Variants in KCNMA1 observed in about 807,000 individuals in gnomAD.
The protein encoded by KCNMA1 is Calcium-activated potassium channel subunit alpha-1.
KCNMA1 carries 29 observed loss-of-function variants against 140.0 expected under a neutral mutation model. The ratio of observed to expected loss-of-function variants is 0.21; its 90% confidence interval spans 0.15 to 0.28. The LOEUF (loss-of-function observed/expected upper bound fraction) is 0.28, where lower values mean the gene tolerates loss of function less well. KCNMA1 is among the 10% of genes least tolerant of loss of function. The pLI is 1.00. For synonymous variants in KCNMA1, 612 were observed against 611.9 expected, an observed-to-expected ratio of 1.00 and a Z score of 0.00; for missense variants, 880 against 1,602.2, an observed-to-expected ratio of 0.55 and a Z score of 7.70.
At chr10:77,442,510 C>A (rs2097429249) in intron 1 of KCNMA1, among the ~76,000 whole-genome samples, 1 of 152,150 alleles carries the variant, frequency 6.6e-6, no homozygotes, top group Non-Finnish European at 1.5e-5. Context: ...TGCTACTTTA[C>A]TAGTTGTAAG....
At position 77,148,525 on chromosome 10, in the gene KCNMA1, C is replaced by T. The variant is rs372779077; in HGVS notation, c.809-27477G>A. Among the ~76,000 whole-genome samples the T allele has an allele frequency of 2.4e-5, 3 of 126,446 alleles. No individual in the cohort carries two copies. The South Asian group carries it at 9.3e-4, about 39-fold the overall frequency. 83.0% of individuals were successfully genotyped at this position (126,446 alleles called of 152,430 possible). A position where few individuals can be genotyped will look rare whatever the true frequency, so the allele number is the denominator to read the frequency against. ...ACATTAATTTAAGGAAAATGAAGTA[C>T]TTGTTTTGGGGGGGATTAATTTGCT... is the stretch of plus-strand genomic sequence containing the variant. On this transcript the variant is annotated intron_variant, in intron 5 of 27. Coordinates refer to ENST00000286628, the MANE Select transcript of KCNMA1 (RefSeq NM_001161352.2).
intron 9 of KCNMA1, among the ~76,000 whole-genome samples, chr10:77,092,397 G>T (rs906480754): frequency 3.3e-5 from 5 of 152,198 alleles, no homozygotes; most frequent in African/African-American, 9.7e-5. Context: ...ATGAGAAACA[G>T]AATTCCCCTA....
chr10:77,209,121 C>G (rs1202041068), intron 3 of KCNMA1, among the ~76,000 whole-genome samples: 3 of 152,164 alleles, frequency 2.0e-5, no homozygotes, highest in Admixed American at 6.6e-5. Context: ...TCTAGAAGCT[C>G]TGGGTTAGTC....
At chr10:77,457,712 C>T (rs2097783817) in intron 1 of KCNMA1, among the ~76,000 whole-genome samples, 1 of 152,074 alleles carries the variant, frequency 6.6e-6, no homozygotes, top group Non-Finnish European at 1.5e-5. Context: ...TGGGATCAGC[C>T]TCCCTCCAGC....
chr10:77,134,505 A>C (rs11002037), intron 5 of KCNMA1, among the ~76,000 whole-genome samples: 2 of 152,142 alleles, frequency 1.3e-5, no homozygotes, highest in African/African-American at 2.4e-5. Context: ...ATATACAAAA[A>C]CCAACTCACA....
At chr10:77,471,304 TAC>T (rs2098143984) in intron 1 of KCNMA1, among the ~76,000 whole-genome samples, 1 of 143,986 alleles carries the variant, frequency 6.9e-6, no homozygotes, top group Non-Finnish European at 1.5e-5. Flanking sequence ...CAACACACAC[TAC>T]ACAGTGCACA....
intron 1 of KCNMA1, among the ~76,000 whole-genome samples, chr10:77,623,915 G>A (rs898402262): frequency 6.6e-6 from 1 of 152,150 alleles, no homozygotes; most frequent in East Asian, 1.9e-4. Flanking sequence ...AAAATTTAAT[G>A]CATGGCTCCG....
intron 1 of KCNMA1, among the ~76,000 whole-genome samples, chr10:77,470,698 G>C (rs1421267209): frequency 6.6e-6 from 1 of 152,192 alleles, no homozygotes; most frequent in Non-Finnish European, 1.5e-5. Context: ...TTTAAAGCCT[G>C]TGTGCAGGCT....
intron 1 of KCNMA1, among the ~76,000 whole-genome samples, chr10:77,417,027 C>T (rs2096757112): frequency 6.6e-6 from 1 of 152,178 alleles, no homozygotes; most frequent in Non-Finnish European, 1.5e-5. Flanking sequence ...CCTGACTTCT[C>T]GGCTATGACT....
intron 1 of KCNMA1, among the ~76,000 whole-genome samples, chr10:77,590,738 C>T (rs1158202716): frequency 6.6e-6 from 1 of 152,156 alleles, no homozygotes; most frequent in Non-Finnish European, 1.5e-5. Flanking sequence ...ACTGCCAGCA[C>T]GCTGTCACCT....
intron 1 of KCNMA1, chr10:77,634,314 G>A (rs2093514699): frequency 2.0e-6 from 2 of 985,320 alleles, no homozygotes; most frequent in South Asian, 4.7e-5. Flanking sequence ...CCCAACAGGA[G>A]GAAATTGTAA....
At chr10:77,461,234 T>TA (rs1400327002) in intron 1 of KCNMA1, among the ~76,000 whole-genome samples, 1 of 151,130 alleles carries the variant, frequency 6.6e-6, no homozygotes, top group Non-Finnish European at 1.5e-5. Flanking sequence ...CCCTCTTTTT[T>TA]TTTTTTCAAA....
intron 1 of KCNMA1, among the ~76,000 whole-genome samples, chr10:77,406,215 A>T (rs1603481991): frequency 6.6e-6 from 1 of 152,090 alleles, no homozygotes; most frequent in Non-Finnish European, 1.5e-5. Context: ...GACTCTGAAC[A>T]GGAGGGTATT....
At chr10:77,513,218 C>T (rs1362194216) in intron 1 of KCNMA1, among the ~76,000 whole-genome samples, 1 of 151,890 alleles carries the variant, frequency 6.6e-6, no homozygotes, top group Non-Finnish European at 1.5e-5. Context: ...TCCTTGCCAC[C>T]AGGCCTTTGC....
intron 9 of KCNMA1, among the ~76,000 whole-genome samples, chr10:77,099,176 G>T (rs1037472780): frequency 6.6e-6 from 1 of 152,018 alleles, no homozygotes; most frequent in African/African-American, 2.4e-5. Flanking sequence ...TCCAAGCAAA[G>T]AAATGGCTCT....
Position 77,572,569 on chromosome 10 carries a change from CATATATATAT to C in KCNMA1, c.378+64686_378+64695del, listed in dbSNP as rs56706119. On this transcript the variant is annotated intron_variant, in intron 1 of 27. Transcript: ENST00000286628. ...TGTCGCTCCAAAAAAAAAAAAAATC[CATATATATAT>C]ATATATATATATATATATATATATA... Among the ~76,000 whole-genome samples, 141 of 37,558 alleles carry C rather than the reference CATATATATAT, an allele frequency of 3.8e-3. 6 individuals are homozygous for C. The highest frequency in any genetic ancestry group is 0.032 in the Middle Eastern group (2 of 62). The allele number at this position is 37,558 out of a possible 152,430, so 24.6% of individuals were successfully genotyped here.
chr10:77,606,132 C>T (rs2084416972), intron 1 of KCNMA1, among the ~76,000 whole-genome samples: 1 of 152,226 alleles, frequency 6.6e-6, no homozygotes, highest in African/African-American at 2.4e-5. Flanking sequence ...GCCTCCCAGA[C>T]ACCCCTGCAT....
At chr10:77,389,255 G>A (rs1343354455) in intron 2 of KCNMA1, among the ~76,000 whole-genome samples, 2 of 152,174 alleles carry the variant, frequency 1.3e-5, no homozygotes, top group Non-Finnish European at 2.9e-5. Flanking sequence ...CCACCCCCCT[G>A]AGTCTGCTAC....
intron 2 of KCNMA1, among the ~76,000 whole-genome samples, chr10:77,400,211 A>G (rs1046485644): frequency 6.6e-6 from 1 of 152,318 alleles, no homozygotes; most frequent in East Asian, 1.9e-4. Context: ...TGTTCAGTGC[A>G]GGGACCTGCC....
Sources: gnomAD v4.1 joint callset for allele counts (sites outside exome capture counted in the v4.1 genomes callset) on GRCh38, gnomAD v4.1.1 for gene constraint, MANE v1.5 for transcripts, NCBI Gene and HGNC (gene_info 2026-07-23, HGNC 2026-07-21) for gene names.